CHST12: variants seen among roughly 807,000 people sequenced by gnomAD.
CHST12 encodes the protein carbohydrate (chondroitin 4) sulfotransferase 12.
CHST12 carries 23 observed loss-of-function variants against 27.9 expected under a neutral mutation model. That is an observed-to-expected ratio of 0.82 (90% CI 0.59 to 1.17). The LOEUF (loss-of-function observed/expected upper bound fraction) is 1.17, where lower values mean the gene tolerates loss of function less well. CHST12 is among the 50% of genes most tolerant of loss of function. The pLI, the probability that CHST12 is intolerant of heterozygous loss-of-function variation, is 0.00. For synonymous variants in CHST12, 322 were observed against 273.0 expected (o/e 1.18, Z -1.77); for missense variants, 682 against 603.0 (o/e 1.13, Z -1.37).
At position 2,434,248 on chromosome 7, in the gene CHST12, G is replaced by C; in HGVS notation, c.*364G>C. 1 of 191,952 alleles carries C rather than the reference G, an allele frequency of 5.2e-6. No homozygotes were observed. 11.9% of individuals were successfully genotyped at this position (191,952 alleles called of 1,614,324 possible). ...CCGGAGGAGGGCGGGGCCTGCACTT[G>C]AAGTCAGGCCGCACCTGTCTGTTTT... On this transcript the variant is annotated 3_prime_UTR_variant, in exon 2 of 2. Coordinates refer to ENST00000618655, the MANE Select transcript of CHST12 (RefSeq NM_018641.5).
chr7:2,427,913 T>C (rs2115430745), intron 1 of CHST12, among the ~76,000 whole-genome samples: 1 of 151,852 alleles, frequency 6.6e-6, no homozygotes, highest in East Asian at 1.9e-4. Context: ...ACCTCCCAGA[T>C]TCAAGCGATT....
Position 2,433,555 on chromosome 7 carries a change from T to C in CHST12, c.916T>C (p.Tyr306His), listed in dbSNP as rs749976546. ...GGTGTCCTTCGCCAACTTCATCCAG[T>C]ACCTGCTGGACCCGCACACGGAGAA... ...LKVSFANFIQ[Y>H]LLDPHTEKLA... The change falls in exon 2 of 2, where the codon TAC (tyrosine) becomes CAC (histidine). Residue 306 changes from tyrosine to histidine, a missense_variant. Tyr to His is a moderately conservative substitution (Grantham distance 83). Transcript: ENST00000618655. This position sits in a 1 kb window ranked among gnomAD's most constrained non-coding sequence, Gnocchi z 6.1. 1.9e-6 allele frequency: 3 copies of C among 1,613,414 alleles called. No homozygotes were observed. The Admixed American group carries it at 5.0e-5, about 27-fold the overall frequency.
At chr7:2,419,968 CTTTTTTT>C (rs869252983) in intron 1 of CHST12, among the ~76,000 whole-genome samples, 29 of 81,410 alleles carry the variant, frequency 3.6e-4, no homozygotes, top group African/African-American at 1.0e-3. Flanking sequence ...AAATATTTGT[CTTTTTTT>C]TTTTTTTTTT....
intron 1 of CHST12, among the ~76,000 whole-genome samples, chr7:2,409,623 A>AAG (rs947218994): frequency 2.3e-5 from 1 of 44,122 alleles, no homozygotes; most frequent in African/African-American, 1.7e-4. Flanking sequence ...TCCTGTCTCA[A>AAG]AGAAAAAAAA....
Position 2,432,608 on chromosome 7 carries a change from G to T in CHST12, c.-32G>T. ...GCTCTGCAGGAAGCTGAAGTGAGAGGCCCGGAGAGGGCCCAGCCCGCCCGG... is the reference window on the plus strand; with the variant it reads ...GCTCTGCAGGAAGCTGAAGTGAGAGTCCCGGAGAGGGCCCAGCCCGCCCGG... On this transcript the variant is annotated 5_prime_UTR_variant, in exon 2 of 2. Transcript: ENST00000618655. 6.3e-7 allele frequency: 1 copy of T among 1,582,906 alleles called. No homozygotes were observed. The highest frequency in any genetic ancestry group is 8.6e-7 in the Non-Finnish European group (1 of 1,161,288).
chr7:2,433,525 C>T lies in CHST12; in HGVS notation c.886C>T (p.Leu296Phe), dbSNP rs773315873. 6.8e-6 allele frequency: 11 copies of T among 1,612,852 alleles called. No individual in the cohort carries two copies. The African/African-American group carries it at 1.5e-4, about 22-fold the overall frequency. ...ASAREAFRAG[L>F]KVSFANFIQY... ...GGCGCGCGAGGCCTTCCGCGCTGGC[C>T]TCAAGGTGTCCTTCGCCAACTTCAT... is the stretch of plus-strand genomic sequence containing the variant. Residue 296 changes from leucine (L) to phenylalanine (F), a missense_variant, in exon 2 of 2, where the codon CTC (leucine) becomes TTC (phenylalanine). Transcript: ENST00000618655. This position sits in a 1 kb window ranked among gnomAD's most constrained non-coding sequence, Gnocchi z 6.1.
At chr7:2,405,909 G>C (rs1781513004) in intron 1 of CHST12, among the ~76,000 whole-genome samples, 1 of 152,260 alleles carries the variant, frequency 6.6e-6, no homozygotes, top group African/African-American at 2.4e-5. Context: ...GAATCCCCAG[G>C]AACCCCAGTG....
chr7:2,431,684 G>C lies in CHST12; in HGVS notation c.-77-879G>C, dbSNP rs116494906. Among the ~76,000 whole-genome samples the C allele has an allele frequency of 9.7e-3, 1,474 of 152,330 alleles. 28 individuals are homozygous for C. The highest frequency in any genetic ancestry group is 0.029 in the African/African-American group (1,215 of 41,564). The stretch of plus-strand genomic sequence containing the variant: ...AGCTCAGCCCCACCAACACCCCCTG[G>C]TGCCTGGCAGGGGAATAGCAATGTG... On this transcript the variant is annotated intron_variant, in intron 1 of 1. Transcript: ENST00000618655.
intron 1 of CHST12, among the ~76,000 whole-genome samples, chr7:2,427,900 G>A (rs535984982): frequency 1.4e-5 from 2 of 146,542 alleles, no homozygotes; most frequent in East Asian, 2.1e-4. Flanking sequence ...CACTGCAACC[G>A]CCACCTCCCA....
At chr7:2,418,494 G>C (rs10245377) in intron 1 of CHST12, among the ~76,000 whole-genome samples, 33,540 of 152,218 alleles carry the variant, frequency 0.22, 4,138 homozygotes, top group African/African-American at 0.34. Flanking sequence ...ATGCCTCTGC[G>C]TGCTCTGCTT....
In CHST12 at chr7:2,435,935, C is replaced by G. The variant is rs1008415508; in HGVS notation, c.*2051C>G. On this transcript the variant is annotated 3_prime_UTR_variant, in exon 2 of 2. Coordinates refer to ENST00000618655, the MANE Select transcript of CHST12 (RefSeq NM_018641.5). ...GCTCAAGTGATCTTCCCATCTCAGA[C>G]TCCCAAGTAGCTGGGGTTACAGGTG... 5.3e-5 allele frequency: 8 copies of G among 152,282 alleles called. No individual in the cohort carries two copies. Among genetic ancestry groups the G allele is most frequent in the African/African-American group, 1.9e-4 (8 of 41,434 alleles). The allele number at this position is 152,282 out of a possible 1,614,324, so 9.4% of individuals were successfully genotyped here.
chr7:2,444,511 C>T lies in CHST12; in HGVS notation c.*10627C>T, dbSNP rs1461938077. ...AGTGCCAACCTCTGGGCTGTCCCCT[C>T]CTGGCCTGCCTTGTTCCTGAGCTCA... is the stretch of plus-strand genomic sequence containing the variant. On this transcript the variant is annotated 3_prime_UTR_variant, in exon 2 of 2. Transcript: ENST00000618655. 6.6e-6 allele frequency: 1 copy of T among 152,626 alleles called. No individual in the cohort carries two copies. Among genetic ancestry groups the T allele is most frequent in the East Asian group, 1.9e-4 (1 of 5,200 alleles). 9.5% of individuals were successfully genotyped at this position (152,626 alleles called of 1,614,324 possible).
In CHST12 at chr7:2,436,256, C is replaced by T. The variant is rs1246840851; in HGVS notation, c.*2372C>T. The T allele has an allele frequency of 6.6e-6, 1 of 152,204 alleles. No individual in the cohort carries two copies. The highest frequency in any genetic ancestry group is 2.4e-5 in the African/African-American group (1 of 41,450). 9.4% of individuals were successfully genotyped at this position (152,204 alleles called of 1,614,324 possible). ...TCATCTCCAGAGCTTTCTCATCTTC[C>T]CAAACTGAAACTCTGTCCCCATTCA... On this transcript the variant is annotated 3_prime_UTR_variant, in exon 2 of 2. Coordinates refer to ENST00000618655, the MANE Select transcript of CHST12 (RefSeq NM_018641.5).
chr7:2,415,889 C>T (rs1781794791), intron 1 of CHST12, among the ~76,000 whole-genome samples: 2 of 152,326 alleles, frequency 1.3e-5, no homozygotes, highest in African/African-American at 2.4e-5. Context: ...GCTGGGATTA[C>T]AAGCGTGAGC....
intron 1 of CHST12, among the ~76,000 whole-genome samples, chr7:2,416,086 A>G (rs188694740): frequency 1.3e-5 from 2 of 152,346 alleles, no homozygotes; most frequent in Admixed American, 6.5e-5. Context: ...ATGTAAGTCT[A>G]TGGAATATTC....
chr7:2,425,691 C>CTTTTTTTTTTTTTTTTTTTT (rs760502452), intron 1 of CHST12, among the ~76,000 whole-genome samples: 16 of 137,872 alleles, frequency 1.2e-4, no homozygotes, highest in African/African-American at 3.2e-4. Flanking sequence ...ACTGCATTTG[C>CTTTTTTTTTTTTTTTTTTTT]TTTTTTTTTT....
At chr7:2,408,050 A>G (rs1781566840) in intron 1 of CHST12, among the ~76,000 whole-genome samples, 1 of 152,190 alleles carries the variant, frequency 6.6e-6, no homozygotes, top group South Asian at 2.1e-4. Context: ...GCATGTCTGC[A>G]GCTGTTGACC....
rs1308002135 is a variant in CHST12 at position 2,433,073 on chromosome 7, C to A, written c.434C>A (p.Ala145Glu). Reference protein sequence around the residue: ...SSLAFPTKERAFDDIPNSELS... With the variant: ...SSLAFPTKEREFDDIPNSELS... ...CTGGCCTTCCCCACCAAGGAGCGCG[C>A]ATTCGACGACATCCCCAACTCGGAG... The change falls in exon 2 of 2, where the codon GCA (alanine) becomes GAA (glutamate). Residue 145 changes from alanine (A) to glutamate (E), a missense_variant. Physicochemically the swap from Ala to Glu is moderately radical, Grantham distance 107. Coordinates refer to ENST00000618655, the MANE Select transcript of CHST12 (RefSeq NM_018641.5). This position sits in a 1 kb window ranked among gnomAD's most constrained non-coding sequence, Gnocchi z 6.1. 6.2e-7 allele frequency: 1 copy of A among 1,612,240 alleles called. No homozygotes were observed. The highest frequency in any genetic ancestry group is 1.3e-5 in the African/African-American group (1 of 74,904).
Position 2,432,735 on chromosome 7 carries a change from G to A in CHST12, c.96G>A (p.Ala32=), listed in dbSNP as rs199890527. Reference sequence around the variant, plus strand: ...TGTACTGGGACAGCGCAGGCGCCGCGCACTTCTACTTGCACACGTCCTTCT... The same window carrying A: ...TGTACTGGGACAGCGCAGGCGCCGCACACTTCTACTTGCACACGTCCTTCT... The part of the protein sequence containing the change: ...IIVYWDSAGA[A]HFYLHTSFSR... The change falls in exon 2 of 2, where the codon GCG becomes GCA. Residue 32 remains alanine, a synonymous_variant. Transcript: ENST00000618655. 110 of 1,613,938 alleles carry A rather than the reference G, an allele frequency of 6.8e-5. No individual in the cohort carries two copies. In the East Asian group the frequency reaches 1.7e-3, roughly 25 times the overall value.
Sources: gnomAD v4.1 joint callset for allele counts (sites outside exome capture counted in the v4.1 genomes callset) on GRCh38, gnomAD v4.1.1 for gene constraint, Gnocchi (gnomAD v3.1) non-coding constraint, MANE v1.5 for transcripts, NCBI Gene and HGNC (gene_info 2026-07-23, HGNC 2026-07-21) for gene names.